The following FYB2 variants were observed in gnomAD, a reference collection of about 807,000 sequenced individuals.
The protein encoded by FYB2 is FYN-binding protein 2.
Under a neutral mutation model 94.1 loss-of-function variants are expected in FYB2, and 103 were observed. That is an observed-to-expected ratio of 1.09 (90% CI 0.93 to 1.29). The LOEUF (loss-of-function observed/expected upper bound fraction) is 1.29, where lower values mean the gene tolerates loss of function less well. Among genes scored for constraint, FYB2 ranks in the 50% most tolerant of loss-of-function variants. The pLI is 0.00. For synonymous variants in FYB2, 293 were observed against 287.9 expected (o/e 1.02, Z -0.18); for missense variants, 896 against 841.5 (o/e 1.06, Z -0.80).
At position 56,804,330 on chromosome 1, in the gene FYB2, G is replaced by A. The variant is rs1347145893; in HGVS notation, c.10-11527C>T. On this transcript the variant is annotated intron_variant, in intron 1 of 19. Coordinates refer to ENST00000343433, the MANE Select transcript of FYB2 (RefSeq NM_001004303.5). ...TTACCAAACTAACAGCAAATGAAATGAGTGAATATATTTCTGGAGTAATAA... is the reference window on the plus strand; with the variant it reads ...TTACCAAACTAACAGCAAATGAAATAAGTGAATATATTTCTGGAGTAATAA... Among the ~76,000 whole-genome samples the A allele has an allele frequency of 2.6e-5, 4 of 152,170 alleles. No individual in the cohort carries two copies. The East Asian group carries it at 5.8e-4, about 22-fold the overall frequency.
intron 1 of FYB2, among the ~76,000 whole-genome samples, chr1:56,803,725 G>A (rs995029431): frequency 6.6e-6 from 1 of 152,148 alleles, no homozygotes; most frequent in Non-Finnish European, 1.5e-5. Context: ...GCTTTATGTT[G>A]CAGTCACGTA....
At chr1:56,767,559 A>G (rs1557628509) in intron 5 of FYB2, among the ~76,000 whole-genome samples, 1 of 152,192 alleles carries the variant, frequency 6.6e-6, no homozygotes, top group Non-Finnish European at 1.5e-5. Context: ...ATATCTACAA[A>G]AGGCAAAGCA....
upstream of FYB2, among the ~76,000 whole-genome samples, chr1:56,820,282 C>A (rs189124269): frequency 6.6e-6 from 1 of 151,726 alleles, no homozygotes; most frequent in Non-Finnish European, 1.5e-5. Context: ...AACACCTGCC[C>A]ATGGTCACAT....
Position 56,819,312 on chromosome 1 carries a change from C to T in FYB2, c.-22G>A, listed in dbSNP as rs777097329. 3 of 1,614,192 alleles carry T rather than the reference C, an allele frequency of 1.9e-6. No individual in the cohort carries two copies. The highest frequency in any genetic ancestry group is 2.2e-5 in the South Asian group (2 of 91,082). The stretch of plus-strand genomic sequence containing the variant: ...CCATTGCTTTCCTCCAAGGCAGAGT[C>T]AGGGAAACAAGCCCAGCCTCTCAGA... On this transcript the variant is annotated 5_prime_UTR_variant, in exon 1 of 20. Coordinates refer to ENST00000343433, the MANE Select transcript of FYB2 (RefSeq NM_001004303.5).
rs113391747 is a variant in FYB2 at position 56,792,956 on chromosome 1, C to T, written c.10-153G>A. Among the ~76,000 whole-genome samples the T allele has an allele frequency of 5.9e-5, 9 of 152,220 alleles. No homozygotes were observed. The East Asian group carries it at 1.4e-3, about 23-fold the overall frequency. Reference sequence around the variant, plus strand: ...TAAGGGACTCTAACTGCTGATATAACGCAATTGCTTCTGGGCAATGTTAGC... The same window carrying T: ...TAAGGGACTCTAACTGCTGATATAATGCAATTGCTTCTGGGCAATGTTAGC... On this transcript the variant is annotated intron_variant, in intron 1 of 19. Coordinates refer to ENST00000343433, the MANE Select transcript of FYB2 (RefSeq NM_001004303.5).
chr1:56,735,787 GCCTCA>G (rs1184836779), intron 15 of FYB2, among the ~76,000 whole-genome samples: 4 of 151,986 alleles, frequency 2.6e-5, no homozygotes, highest in African/African-American at 9.7e-5. Context: ...GTTTCCTGAG[GCCTCA>G]CCAGCCACGC....
In FYB2 at chr1:56,787,192, G is replaced by A. The variant is rs770089242; in HGVS notation, c.936C>T (p.Gly312=). 7 of 1,613,952 alleles carry A rather than the reference G, an allele frequency of 4.3e-6. No individual in the cohort carries two copies. The highest frequency in any genetic ancestry group is 5.1e-6 in the Non-Finnish European group (6 of 1,179,866). The change falls in exon 4 of 20, where the codon GGC becomes GGT. Residue 312 remains glycine (G), a synonymous_variant. Transcript: ENST00000343433. The part of the protein sequence containing the change: ...KTQGEVTVEE[G]SLSPERLFNA... ...GTACTTACCTCTCTGGAGACAGGGA[G>A]CCCTCTTCCACAGTCACTGCAAGAG...
chr1:56,768,789 C>G (rs544367943), intron 4 of FYB2, among the ~76,000 whole-genome samples: 2 of 151,988 alleles, frequency 1.3e-5, no homozygotes, highest in African/African-American at 4.8e-5. Flanking sequence ...TAATGGGGGA[C>G]CTAAATAATA....
chr1:56,744,543 G>A (rs894716953), intron 9 of FYB2, among the ~76,000 whole-genome samples: 6 of 151,944 alleles, frequency 3.9e-5, no homozygotes, highest in African/African-American at 1.4e-4. Context: ...TGGTTACCTA[G>A]TAAACTAGTA....
chr1:56,754,887 C>T (rs780568465), intron 7 of FYB2, among the ~76,000 whole-genome samples: 1 of 151,960 alleles, frequency 6.6e-6, no homozygotes, highest in South Asian at 2.1e-4. Context: ...ACCATGTGAC[C>T]AGCACTGTGT....
At chr1:56,812,786 A>ATGAT (rs1180784516) in intron 1 of FYB2, among the ~76,000 whole-genome samples, 3 of 152,218 alleles carry the variant, frequency 2.0e-5, no homozygotes, top group African/African-American at 7.2e-5. Context: ...AAATAACAAC[A>ATGAT]TGATATAAAA....
chr1:56,756,371 C>A (rs931663211), intron 6 of FYB2, among the ~76,000 whole-genome samples: 2 of 152,102 alleles, frequency 1.3e-5, no homozygotes, highest in African/African-American at 2.4e-5. Flanking sequence ...TCAAATCTTG[C>A]AGGATCTAGA....
intron 1 of FYB2, among the ~76,000 whole-genome samples, chr1:56,801,925 A>G (rs12760831): frequency 0.15 from 23,329 of 152,188 alleles, 2,178 homozygotes; most frequent in East Asian, 0.32. Context: ...TTTGTACCAG[A>G]GGCAGAATTA....
intron 4 of FYB2, among the ~76,000 whole-genome samples, chr1:56,768,248 G>A (rs1481017863): frequency 6.6e-6 from 1 of 152,172 alleles, no homozygotes; most frequent in Admixed American, 6.6e-5. Flanking sequence ...GGAACACAAA[G>A]GGAAATTGAG....
chr1:56,764,993 A>G (rs1007351382), intron 5 of FYB2, among the ~76,000 whole-genome samples: 3 of 152,156 alleles, frequency 2.0e-5, no homozygotes, highest in African/African-American at 7.2e-5. Context: ...CTACCTCCTA[A>G]AGATCTCACC....
Position 56,799,646 on chromosome 1 carries a change from A to G in FYB2, c.10-6843T>C, listed in dbSNP as rs556496882. On this transcript the variant is annotated intron_variant, in intron 1 of 19. Transcript: ENST00000343433. ...AATTCAGAACCAAAGAACAAAACTC[A>G]GTATTATACCCTTTCAAAGTAAATT... Among the ~76,000 whole-genome samples the G allele has an allele frequency of 2.6e-5, 4 of 152,352 alleles. No homozygotes were observed. The South Asian group carries it at 8.3e-4, about 32-fold the overall frequency.
chr1:56,740,888 C>A, intron 12 of FYB2, 93 bp from the exon 13 acceptor site: 1 of 799,278 alleles, frequency 1.3e-6, no homozygotes, highest in South Asian at 2.1e-5. Context: ...GCCACATGTT[C>A]TCACTTGTAA....
At chr1:56,747,762 C>T (rs536718434) in intron 9 of FYB2, among the ~76,000 whole-genome samples, 9 of 152,080 alleles carry the variant, frequency 5.9e-5, no homozygotes. Flanking sequence ...TGGGTATATA[C>T]CCAGTAATGG....
At chr1:56,755,614 C>G (rs944745032) in intron 7 of FYB2, among the ~76,000 whole-genome samples, 15 of 152,134 alleles carry the variant, frequency 9.9e-5, no homozygotes, top group African/African-American at 3.1e-4. Context: ...ATAGCGAGGT[C>G]TCCATCACTG....
Sources: gnomAD v4.1 joint callset for allele counts (sites outside exome capture counted in the v4.1 genomes callset) on GRCh38, gnomAD v4.1.1 for gene constraint, MANE v1.5 for transcripts, NCBI Gene and HGNC (gene_info 2026-07-23, HGNC 2026-07-21) for gene names.